FAM184A: variants seen among roughly 807,000 people sequenced by gnomAD.
The protein encoded by FAM184A is family with sequence similarity 184 member A.
FAM184A carries 99 observed loss-of-function variants against 143.8 expected under a neutral mutation model. That is an observed-to-expected ratio of 0.69 (90% CI 0.58 to 0.81). The LOEUF (loss-of-function observed/expected upper bound fraction) is 0.81, where lower values mean the gene tolerates loss of function less well. FAM184A is among the 40% of genes least tolerant of loss of function. FAM184A has a pLI of 0.00. For missense variants in FAM184A, 1,217 were observed against 1,310.5 expected (o/e 0.93, Z 1.10); for synonymous variants, 427 against 446.4 (o/e 0.96, Z 0.55).
At chr6:118,966,787 A>G in intron 15 of FAM184A, 48 bp downstream of exon 15, 1 of 848,776 alleles carries the variant, frequency 1.2e-6, no homozygotes, top group Non-Finnish European at 1.9e-6. Context: ...TTCCCAATCA[A>G]TATCTATTGA....
intron 1 of FAM184A, among the ~76,000 whole-genome samples, chr6:119,065,000 C>T (rs1191255312): frequency 6.6e-6 from 1 of 152,120 alleles, no homozygotes; most frequent in Non-Finnish European, 1.5e-5. Context: ...ATGTACATGG[C>T]CAACTAAAAC....
At chr6:119,034,043 GAGAGAGAGA>G (rs1786015514) in intron 1 of FAM184A, among the ~76,000 whole-genome samples, 1 of 23,322 alleles carries the variant, frequency 4.3e-5, no homozygotes, top group Non-Finnish European at 7.9e-5. Flanking sequence ...TATATATATA[GAGAGAGAGA>G]GAGAGAGAGA....
At chr6:118,962,049 T>C in intron 16 of FAM184A, 86 bp from the exon 17 acceptor site, 1 of 1,403,980 alleles carries the variant, frequency 7.1e-7, no homozygotes, top group Non-Finnish European at 1.0e-6. Flanking sequence ...AAATTTGGCA[T>C]GGGAAAATTT....
chr6:119,073,663 C>A (rs757105959), intron 1 of FAM184A, among the ~76,000 whole-genome samples: 6 of 152,172 alleles, frequency 3.9e-5, no homozygotes, highest in Non-Finnish European at 7.3e-5. Context: ...GCTTGTCCCA[C>A]ACCTAAAGCC....
chr6:119,082,245 A>T (rs895673007), upstream of FAM184A, among the ~76,000 whole-genome samples: 2 of 152,098 alleles, frequency 1.3e-5, no homozygotes, highest in Non-Finnish European at 2.9e-5. Flanking sequence ...CCCCTAACAC[A>T]TGGGGATTTC....
At chr6:119,117,959 G>A (rs1255872075) in intron 1 of FAM184A, among the ~76,000 whole-genome samples, 1 of 152,130 alleles carries the variant, frequency 6.6e-6, no homozygotes, top group East Asian at 1.9e-4. Context: ...CCAGAGAGCT[G>A]GAGGCAGGGT....
chr6:119,090,796 T>C (rs1030536137), intron 1 of FAM184A, among the ~76,000 whole-genome samples: 3 of 152,158 alleles, frequency 2.0e-5, no homozygotes, highest in African/African-American at 7.2e-5. Flanking sequence ...ATTTGGTTGG[T>C]GGGGAGATCC....
Position 119,131,741 on chromosome 6 carries a change from C to A in FAM184A, c.-202+17337G>T, listed in dbSNP as rs548185577. Among the ~76,000 whole-genome samples, 611 of 152,190 alleles carry A rather than the reference C, an allele frequency of 4.0e-3. 8 individuals are homozygous for A. Among genetic ancestry groups the A allele is most frequent in the African/African-American group, 0.014 (573 of 41,496 alleles). On this transcript the variant is annotated intron_variant, in intron 1 of 16. Coordinates refer to the FAM184A transcript ENST00000352896. ...TCAAGCCATCCCCCCACCCAGCCCCCCAAAGTATTGGGATTACAGGCATGA... is the reference window on the plus strand; with the variant it reads ...TCAAGCCATCCCCCCACCCAGCCCCACAAAGTATTGGGATTACAGGCATGA...
rs144285541 is a variant in FAM184A, at chr6:118,968,677, C to G, written c.2916-1725G>C. Among the ~76,000 whole-genome samples the G allele has an allele frequency of 1.1e-3, 169 of 152,260 alleles. 1 individual carries two copies. Among genetic ancestry groups the G allele is most frequent in the Non-Finnish European group, 2.1e-3 (140 of 68,020 alleles). ...AAGTACAAGATTTATGAACTGCTTC[C>G]CGCAGCTGAGCAAGAATACTTGGTA... On this transcript the variant is annotated intron_variant, in intron 14 of 17. Coordinates refer to ENST00000338891, the MANE Select transcript of FAM184A (RefSeq NM_024581.6).
chr6:119,043,939 C>A (rs960263389), intron 1 of FAM184A, among the ~76,000 whole-genome samples: 2 of 151,996 alleles, frequency 1.3e-5, no homozygotes, highest in Admixed American at 6.5e-5. Context: ...TAAATTCACA[C>A]CTCAAAGAAC....
At chr6:118,969,635 G>A (rs966992742) in intron 14 of FAM184A, among the ~76,000 whole-genome samples, 4 of 152,084 alleles carry the variant, frequency 2.6e-5, no homozygotes, top group Non-Finnish European at 4.4e-5. Context: ...GTCCAGGTGT[G>A]AACAACTGGT....
chr6:119,084,488 C>T (rs539639261), intron 1 of FAM184A, among the ~76,000 whole-genome samples: 8 of 152,322 alleles, frequency 5.3e-5, no homozygotes, highest in African/African-American at 1.9e-4. Flanking sequence ...GCAGTTCCAC[C>T]CCTGTGGCCT....
At chr6:119,026,654 A>T (rs561776145) in intron 1 of FAM184A, among the ~76,000 whole-genome samples, 1 of 152,160 alleles carries the variant, frequency 6.6e-6, no homozygotes, top group African/African-American at 2.4e-5. Context: ...GACACAACTG[A>T]CCGACGTTAA....
chr6:118,964,652 G>A lies in FAM184A; in HGVS notation c.3138+15C>T, dbSNP rs758567248. The A allele has an allele frequency of 6.9e-7, 1 of 1,439,618 alleles. No homozygotes were observed. Among genetic ancestry groups the A allele is most frequent in the South Asian group, 1.2e-5 (1 of 84,552 alleles). 89.2% of individuals were successfully genotyped at this position (1,439,618 alleles called of 1,614,324 possible). ...TTAAACCACATTCCTATTCTACAGTGTTTACGGCACATACCTTAGCCAATG... is the reference window on the plus strand; with the variant it reads ...TTAAACCACATTCCTATTCTACAGTATTTACGGCACATACCTTAGCCAATG... On this transcript the variant is annotated intron_variant, in intron 16 of 17. Coordinates refer to ENST00000338891, the MANE Select transcript of FAM184A (RefSeq NM_024581.6).
At chr6:119,025,717 G>A in intron 1 of FAM184A, 1 of 456,938 alleles carries the variant, frequency 2.2e-6, no homozygotes, top group Non-Finnish European at 4.3e-6. Context: ...TTAAGGCTTT[G>A]AGATGAGCCC....
chr6:119,061,525 A>ATTTTTTTTTTTTT (rs1476201793), intron 1 of FAM184A, among the ~76,000 whole-genome samples: 1 of 51,576 alleles, frequency 1.9e-5, no homozygotes, highest in Admixed American at 1.8e-4. Flanking sequence ...CTGGCTAATT[A>ATTTTTTTTTTTTT]TTTTTCTTTT....
intron 14 of FAM184A, among the ~76,000 whole-genome samples, chr6:118,971,608 A>G (rs999114407): frequency 3.3e-5 from 5 of 152,214 alleles, no homozygotes; most frequent in Non-Finnish European, 7.3e-5. Flanking sequence ...GAATCAGGAC[A>G]TTTTTATTAG....
intron 1 of FAM184A, among the ~76,000 whole-genome samples, chr6:119,116,019 A>ACACAC (rs1789052331): frequency 6.6e-6 from 1 of 151,066 alleles, no homozygotes; most frequent in African/African-American, 2.4e-5. Context: ...ACACACACAC[A>ACACAC]ACGAGAGAGA....
intron 8 of FAM184A, 99 bp from the exon 9 acceptor site, chr6:119,003,148 TC>T (rs1784817507): frequency 9.2e-7 from 1 of 1,090,700 alleles, no homozygotes; most frequent in Admixed American, 3.1e-5. Context: ...TTAATCCTCT[TC>T]AAAAGTCTAT....
Sources: allele counts gnomAD v4.1 joint callset (sites outside exome capture counted in the v4.1 genomes callset), GRCh38; gene constraint gnomAD v4.1.1; transcripts MANE v1.5; gene names NCBI Gene and HGNC (gene_info 2026-07-23, HGNC 2026-07-21).